Variants in RGS6 observed in about 807,000 individuals in gnomAD.
RGS6 encodes regulator of G protein signaling 6.
A neutral mutation model predicts 78.5 loss-of-function variants in RGS6; 30 were observed. The observed-to-expected ratio is 0.38, with a 90% CI of 0.29 to 0.52. The LOEUF (loss-of-function observed/expected upper bound fraction) is 0.52, where lower values mean the gene tolerates loss of function less well. Among genes scored for constraint, RGS6 ranks in the 20% least tolerant of loss-of-function variants. The probability of loss-of-function intolerance (pLI) is 0.85; values close to 1 mark genes in which losing one functional copy is unlikely to be tolerated. For synonymous variants in RGS6, 206 were observed against 206.0 expected, an observed-to-expected ratio of 1.00 and a Z score of 0.00; for missense variants, 495 against 609.7, an observed-to-expected ratio of 0.81 and a Z score of 1.98.
chr14:72,341,306 C>T (rs150294559), intron 2 of RGS6, among the ~76,000 whole-genome samples: 61 of 152,286 alleles, frequency 4.0e-4, no homozygotes, highest in South Asian at 1.2e-3. Context: ...TTCATGAAAA[C>T]TGACTCACTT....
chr14:72,568,127 G>A (rs967573230), downstream of RGS6, among the ~76,000 whole-genome samples: 11 of 152,268 alleles, frequency 7.2e-5, no homozygotes, highest in African/African-American at 2.4e-4. Flanking sequence ...TCAGAGCCCT[G>A]AGGTGTCTCC....
chr14:72,072,349 G>A (rs1352579312), intron 2 of RGS6, among the ~76,000 whole-genome samples: 3 of 150,158 alleles, frequency 2.0e-5, no homozygotes, highest in Admixed American at 1.3e-4. Flanking sequence ...TCGCTCTGTC[G>A]CCAGGCTGGA....
At chr14:71,933,496 A>G (rs1049417510) in intron 1 of RGS6, among the ~76,000 whole-genome samples, 4 of 152,154 alleles carry the variant, frequency 2.6e-5, no homozygotes, top group African/African-American at 9.7e-5. Context: ...AGGATGACAA[A>G]TGAACTGGTT....
the RGS6 span, among the ~76,000 whole-genome samples, chr14:72,598,476 G>A: frequency 6.6e-6 from 1 of 152,234 alleles, no homozygotes; most frequent in South Asian, 2.1e-4. Context: ...GAGAAGCCAG[G>A]CATCCATTTG....
intron 12 of RGS6, among the ~76,000 whole-genome samples, chr14:72,493,534 A>G (rs2096605988): frequency 6.6e-6 from 1 of 152,174 alleles, no homozygotes; most frequent in Admixed American, 6.5e-5. Flanking sequence ...AACAAAGGAA[A>G]CAAAGGGTTT....
intron 2 of RGS6, among the ~76,000 whole-genome samples, chr14:72,060,951 T>A (rs2153434704): frequency 6.6e-6 from 1 of 152,148 alleles, no homozygotes; most frequent in South Asian, 2.1e-4. Context: ...TAAACAGGAG[T>A]GTATTCACCT....
At chr14:72,587,985 C>T in the RGS6 span, among the ~76,000 whole-genome samples, 1 of 152,190 alleles carries the variant, frequency 6.6e-6, no homozygotes. Context: ...GGGGAGGCTC[C>T]AGAACCTGGG....
At chr14:72,078,129 T>A (rs2094658417) in intron 2 of RGS6, among the ~76,000 whole-genome samples, 1 of 152,196 alleles carries the variant, frequency 6.6e-6, no homozygotes. Context: ...TTCTTATGAA[T>A]GGCTTAGCAC....
chr14:71,876,702 A>G, the RGS6 span, among the ~76,000 whole-genome samples: 1 of 151,652 alleles, frequency 6.6e-6, no homozygotes, highest in Admixed American at 6.6e-5. Flanking sequence ...TTATGTGTGA[A>G]TTTGATCCTG....
intron 2 of RGS6, among the ~76,000 whole-genome samples, chr14:72,230,974 T>C (rs916851179): frequency 2.6e-5 from 4 of 152,198 alleles, no homozygotes; most frequent in Admixed American, 2.0e-4. Context: ...TGCATGACAC[T>C]AGATGATCTA....
chr14:72,088,732 T>TA (rs1191284900), intron 2 of RGS6, among the ~76,000 whole-genome samples: 1 of 152,170 alleles, frequency 6.6e-6, no homozygotes, highest in East Asian at 1.9e-4. Flanking sequence ...CCACACTTTT[T>TA]ATCCTGCAGT....
At chr14:72,370,811 A>G (rs1433911418) in intron 3 of RGS6, among the ~76,000 whole-genome samples, 1 of 152,230 alleles carries the variant, frequency 6.6e-6, no homozygotes. Flanking sequence ...TGTTTGTATA[A>G]TATTTCACAA....
intron 2 of RGS6, among the ~76,000 whole-genome samples, chr14:72,064,375 G>A (rs2094035526): frequency 6.6e-6 from 1 of 152,106 alleles, no homozygotes; most frequent in Non-Finnish European, 1.5e-5. Flanking sequence ...ATAAAAAGTT[G>A]GCAGCTTTCC....
chr14:72,237,538 A>C (rs146434438), intron 2 of RGS6, among the ~76,000 whole-genome samples: 1 of 152,136 alleles, frequency 6.6e-6, no homozygotes, highest in Non-Finnish European at 1.5e-5. Flanking sequence ...GGCAGAGGCA[A>C]TCCACACAAT....
chr14:72,023,926 T>C (rs1022915514), intron 2 of RGS6, among the ~76,000 whole-genome samples: 3 of 152,132 alleles, frequency 2.0e-5, no homozygotes, highest in Non-Finnish European at 4.4e-5. Flanking sequence ...AGTTAGAACA[T>C]GAACTTACTC....
intron 3 of RGS6, among the ~76,000 whole-genome samples, chr14:72,407,613 G>C (rs554744751): frequency 5.9e-5 from 9 of 152,298 alleles, no homozygotes; most frequent in African/African-American, 2.2e-4. Flanking sequence ...TGTTATTCTA[G>C]ACAGTAAACC....
chr14:72,200,893 T>A (rs2041350687), intron 2 of RGS6, among the ~76,000 whole-genome samples: 1 of 143,064 alleles, frequency 7.0e-6, no homozygotes. Flanking sequence ...AGTCAAAGGA[T>A]GAGGGGGGTT....
intron 2 of RGS6, among the ~76,000 whole-genome samples, chr14:72,076,388 T>C (rs2094575141): frequency 6.6e-6 from 1 of 152,226 alleles, no homozygotes. Flanking sequence ...ATGTCCCTTA[T>C]TTAATCAACT....
chr14:72,272,979 G>A (rs1001873827), intron 2 of RGS6, among the ~76,000 whole-genome samples: 1 of 152,138 alleles, frequency 6.6e-6, no homozygotes, highest in African/African-American at 2.4e-5. Flanking sequence ...AGCAGGGCGT[G>A]GTGGCAGGTG....
Sources: allele counts gnomAD v4.1 joint callset (sites outside exome capture counted in the v4.1 genomes callset), GRCh38; gene constraint gnomAD v4.1.1; transcripts MANE v1.5; gene names NCBI Gene and HGNC (gene_info 2026-07-23, HGNC 2026-07-21).